Variants in SPDYE21 observed in about 807,000 individuals in gnomAD.
SPDYE21 encodes the protein speedy protein E21.
SPDYE21 carries 14 observed loss-of-function variants against 36.2 expected under a neutral mutation model. The observed-to-expected ratio is 0.39, with a 90% CI of 0.26 to 0.61. SPDYE21 has a LOEUF of 0.61. Among genes scored for constraint, SPDYE21 ranks in the 20% least tolerant of loss-of-function variants. The pLI is 0.55. For missense variants in SPDYE21, 233 were observed against 424.6 expected, an observed-to-expected ratio of 0.55 and a Z score of 3.97; for synonymous variants, 58 against 155.1, an observed-to-expected ratio of 0.37 and a Z score of 4.65.
Position 67,288,675 on chromosome 7 carries a change from C to T in SPDYE21, c.*1203C>T, listed in dbSNP as rs1288393083. On this transcript the variant is annotated 3_prime_UTR_variant, in exon 9 of 9. Coordinates refer to ENST00000424157, the MANE Select transcript of SPDYE21 (RefSeq NM_001382715.2). ...TTTTCATCCTAAATCTTTTACCTTT[C>T]AATCTTTGTATCTATTATTACACGT... Among the ~76,000 whole-genome samples the T allele has an allele frequency of 6.9e-6, 1 of 145,702 alleles. No homozygotes were observed. Among genetic ancestry groups the T allele is most frequent in the Non-Finnish European group, 1.5e-5 (1 of 65,524 alleles).
At chr7:67,280,593 G>A (rs201086260) in intron 3 of SPDYE21, among the ~76,000 whole-genome samples, 15,305 of 142,194 alleles carry the variant, frequency 0.11, 578 homozygotes, top group East Asian at 0.34. Context: ...TCGGGAGGCT[G>A]AGACAGGATA....
Position 67,286,051 on chromosome 7 carries a change from G to A in SPDYE21, c.763G>A (p.Ala255Thr). ...RIHFFLALYL[A>T]NDMEEDDEDS... is the part of the protein sequence containing the mutation. ...CCTGATTTCTATCCTCAGCTACCTGGCCAATGACATGGAGGAGGACGACGA... is the reference window on the plus strand; with the variant it reads ...CCTGATTTCTATCCTCAGCTACCTGACCAATGACATGGAGGAGGACGACGA... Residue 255 changes from alanine to threonine, a missense_variant, in exon 7 of 9, where the codon GCC becomes ACC. Around this residue, in one of 4 missense-constraint regions of SPDYE21, gnomAD observed 139 missense variants for 175.8 expected, o/e 0.79. Transcript: ENST00000424157. 1 of 1,613,086 alleles carries A rather than the reference G, an allele frequency of 6.2e-7. No individual in the cohort carries two copies. The highest frequency in any genetic ancestry group is 1.1e-5 in the South Asian group (1 of 91,028).
chr7:67,286,825 C>T (rs1207848923), intron 8 of SPDYE21, among the ~76,000 whole-genome samples, 161 bp downstream of exon 8: 1 of 152,200 alleles, frequency 6.6e-6, no homozygotes, highest in South Asian at 2.1e-4. Flanking sequence ...CGCATCTCTA[C>T]TCCCAACTAC....
rs1802763565 is a variant in SPDYE21 at position 67,287,666 on chromosome 7, G to A, written c.*194G>A. On this transcript the variant is annotated 3_prime_UTR_variant, in exon 9 of 9. Transcript: ENST00000424157. ...TGATGGAGCTGAATACAGTGATCAC[G>A]TGTCCTCCTGGGAGCAGGGGTTGGG... Among the ~76,000 whole-genome samples, 1 of 120,462 alleles carries A rather than the reference G, an allele frequency of 8.3e-6. No homozygotes were observed. The highest frequency in any genetic ancestry group is 3.1e-5 in the African/African-American group (1 of 31,812). 79.0% of individuals were successfully genotyped at this position (120,462 alleles called of 152,430 possible).
chr7:67,283,947 G>C lies in SPDYE21; in HGVS notation c.704G>C (p.Arg235Pro). 2.5e-6 allele frequency: 4 copies of C among 1,596,106 alleles called. No homozygotes were observed. Among genetic ancestry groups the C allele is most frequent in the Non-Finnish European group, 3.4e-6 (4 of 1,165,804 alleles). ...GCTATGGTCATAGTGTATTTCAGCC[G>C]GGCCGGCCTCCCCTCCTGGCAATAC... is the stretch of plus-strand genomic sequence containing the variant. ...LLAMVIVYFS[R>P]AGLPSWQYQR... Residue 235 changes from arginine to proline, a missense_variant, in exon 6 of 9, where the codon CGG becomes CCG. Transcript: ENST00000424157.
intron 3 of SPDYE21, among the ~76,000 whole-genome samples, chr7:67,281,048 C>T (rs1187723177): frequency 7.3e-6 from 1 of 136,782 alleles, no homozygotes; most frequent in East Asian, 2.4e-4. Flanking sequence ...CACCACTACA[C>T]TCCAGCCTAG....
chr7:67,278,148 C>G (rs1369700332), intron 1 of SPDYE21, among the ~76,000 whole-genome samples, 144 bp from the exon 2 acceptor site: 1 of 95,690 alleles, frequency 1.0e-5, no homozygotes, highest in African/African-American at 4.5e-5. Flanking sequence ...CACTCTTGCA[C>G]ATGATAATCT....
rs1442169845 is a variant in SPDYE21, at chr7:67,287,507, C to T, written c.*46-11C>T. On this transcript the variant is annotated splice_polypyrimidine_tract_variant and intron_variant, in intron 8 of 8. Transcript: ENST00000424157. ...CTCCTTGAAGTGTGACATTGTCTCTCTCACTTCCAGAACACCGGACCCAGG... is the reference window on the plus strand; with the variant it reads ...CTCCTTGAAGTGTGACATTGTCTCTTTCACTTCCAGAACACCGGACCCAGG... 6.6e-6 allele frequency among the ~76,000 whole-genome samples: 1 copy of T among 152,034 alleles called. No individual in the cohort carries two copies. Among genetic ancestry groups the T allele is most frequent in the Non-Finnish European group, 1.5e-5 (1 of 67,996 alleles).
intron 7 of SPDYE21, among the ~76,000 whole-genome samples, 51 bp from the exon 8 acceptor site, chr7:67,286,509 A>T (rs933131749): frequency 6.6e-6 from 1 of 151,570 alleles, no homozygotes; most frequent in Non-Finnish European, 1.5e-5. Context: ...GAGGGGAGAG[A>T]GGGGTATCCT....
Position 67,286,269 on chromosome 7 carries a change from C to G in SPDYE21, c.981C>G (p.Tyr327Ter). 6.3e-7 allele frequency: 1 copy of G among 1,593,180 alleles called. No individual in the cohort carries two copies. Among genetic ancestry groups the G allele is most frequent in the Non-Finnish European group, 8.6e-7 (1 of 1,164,292 alleles). The change falls in exon 7 of 9, where the codon TAC becomes TAG. Residue 327 changes from tyrosine to a stop codon, truncating the protein, a stop_gained. Coordinates refer to ENST00000424157, the MANE Select transcript of SPDYE21 (RefSeq NM_001382715.2). LOFTEE classifies it high-confidence loss of function. Reference protein sequence around the residue: ...GRSMNPRARKYRSRIPLVRKR... With the variant: ...GRSMNPRARK The stretch of plus-strand genomic sequence containing the variant: ...CCATGAACCCGAGGGCCAGGAAGTA[C>G]CGCTCTCGCATACCCTTGGTCCGTA...
In SPDYE21 at chr7:67,286,300, C is replaced by T. The variant is rs557342449; in HGVS notation, c.1012C>T (p.Arg338Trp). 1.2e-4 allele frequency: 190 copies of T among 1,600,400 alleles called. No homozygotes were observed. The highest frequency in any genetic ancestry group is 1.5e-4 in the Non-Finnish European group (179 of 1,170,004). The change falls in exon 7 of 9, where the codon CGG becomes TGG. Residue 338 changes from arginine to tryptophan, a missense_variant. Arg to Trp is a moderately radical substitution (Grantham distance 101). Transcript: ENST00000424157. Reference protein sequence around the residue: ...RSRIPLVRKRRFQLRRCMNPR... With the variant: ...RSRIPLVRKRWFQLRRCMNPR... ...TCGCATACCCTTGGTCCGTAAGCGT[C>T]GGTTCCAGTTACGCCGTTGCATGAA...
intron 5 of SPDYE21, among the ~76,000 whole-genome samples, chr7:67,283,510 C>T (rs2116510420): frequency 6.6e-6 from 1 of 152,048 alleles, no homozygotes; most frequent in South Asian, 2.1e-4. Flanking sequence ...TGAGTGGCCC[C>T]TGCCTCTCCT....
At chr7:67,285,894 G>A (rs1802721867) in intron 6 of SPDYE21, among the ~76,000 whole-genome samples, 150 bp from the exon 7 acceptor site, 1 of 152,104 alleles carries the variant, frequency 6.6e-6, no homozygotes, top group African/African-American at 2.4e-5. Context: ...CTGTCCAGCA[G>A]AGCCCTCCTG....
chr7:67,285,613 C>T (rs1408661037), intron 6 of SPDYE21, among the ~76,000 whole-genome samples: 1 of 152,064 alleles, frequency 6.6e-6, no homozygotes. Context: ...TGGTCTCCAA[C>T]TCCTGGTCTC....
At chr7:67,277,299 T>C (rs1488753017) in intron 1 of SPDYE21, among the ~76,000 whole-genome samples, 2 of 151,510 alleles carry the variant, frequency 1.3e-5, no homozygotes, top group South Asian at 2.1e-4. Context: ...CCTCAAGTGA[T>C]CCACCCACTT....
At chr7:67,284,975 G>GTGTT (rs1220033551) in intron 6 of SPDYE21, among the ~76,000 whole-genome samples, 1 of 151,444 alleles carries the variant, frequency 6.6e-6, no homozygotes, top group Non-Finnish European at 1.5e-5. Flanking sequence ...ACTCGACTTT[G>GTGTT]TGTTTGTGTT....
At chr7:67,286,522 C>A (rs372400611) in intron 7 of SPDYE21, among the ~76,000 whole-genome samples, 38 bp from the exon 8 acceptor site, 1 of 151,600 alleles carries the variant, frequency 6.6e-6, no homozygotes, top group South Asian at 2.1e-4. Context: ...GGTATCCTGG[C>A]GAGTCCCCGT....
intron 5 of SPDYE21, among the ~76,000 whole-genome samples, chr7:67,283,680 C>T (rs994941211): frequency 5.9e-5 from 9 of 152,042 alleles, no homozygotes; most frequent in Non-Finnish European, 1.0e-4. Flanking sequence ...AAGATCCCAT[C>T]GGAGCCCACC....
chr7:67,287,818 G>A lies in SPDYE21; in HGVS notation c.*346G>A, dbSNP rs1802767337. Among the ~76,000 whole-genome samples the A allele has an allele frequency of 6.6e-6, 1 of 152,140 alleles. No individual in the cohort carries two copies. The highest frequency in any genetic ancestry group is 2.1e-4 in the South Asian group (1 of 4,830). On this transcript the variant is annotated 3_prime_UTR_variant, in exon 9 of 9. Coordinates refer to ENST00000424157, the MANE Select transcript of SPDYE21 (RefSeq NM_001382715.2). ...TGCTGAATTCCAACCTCCCTGGGGC[G>A]GAACCTGGAGGTGCTGTTTCTTACG... is the stretch of plus-strand genomic sequence containing the variant.
Sources: allele counts gnomAD v4.1 joint callset (sites outside exome capture counted in the v4.1 genomes callset), GRCh38; gene constraint gnomAD v4.1.1; regional missense constraint gnomAD v4.1.1; transcripts MANE v1.5; gene names NCBI Gene and HGNC (gene_info 2026-07-23, HGNC 2026-07-21).